The following DCPS variants were observed in gnomAD, a reference collection of about 807,000 sequenced individuals.
The protein encoded by DCPS is m7GpppX diphosphatase.
Under a neutral mutation model 34.7 loss-of-function variants are expected in DCPS, and 27 were observed. The ratio of observed to expected loss-of-function variants is 0.78; its 90% confidence interval spans 0.57 to 1.07. The LOEUF is 1.07. DCPS is among the 50% of genes least tolerant of loss of function. DCPS has a pLI of 0.00. For synonymous variants in DCPS, 185 were observed against 185.7 expected (o/e 1.00, Z 0.03); for missense variants, 464 against 436.9 (o/e 1.06, Z -0.55).
chr11:126,308,992 C>T (rs1302652733), intron 2 of DCPS, among the ~76,000 whole-genome samples: 3 of 151,386 alleles, frequency 2.0e-5, no homozygotes, highest in Admixed American at 2.0e-4. Context: ...CTGGGAGCCT[C>T]AGATGTTAGT....
At position 126,329,966 on chromosome 11, in the gene DCPS, C is replaced by T. The variant is rs903567024; in HGVS notation, c.377-1439C>T. 3.3e-5 allele frequency among the ~76,000 whole-genome samples: 5 copies of T among 152,152 alleles called. No individual in the cohort carries two copies. The East Asian group carries it at 7.7e-4, about 23-fold the overall frequency. On this transcript the variant is annotated intron_variant, in intron 2 of 5. Coordinates refer to ENST00000263579, the MANE Select transcript of DCPS (RefSeq NM_014026.6). The surrounding 1 kb of genome is among the most constrained non-coding windows in gnomAD (Gnocchi z 5.0). ...GAACCATGGGTCTTTTGAGAAAGAT[C>T]CAAGCTGATTTGGAAATACCCCTAA...
Position 126,345,592 on chromosome 11 carries a change from G to A in DCPS, c.993G>A (p.Leu331=). 8 of 1,613,276 alleles carry A rather than the reference G, an allele frequency of 5.0e-6. No homozygotes were observed. The highest frequency in any genetic ancestry group is 4.5e-5 in the East Asian group (2 of 44,874). The stretch of plus-strand genomic sequence containing the variant: ...CTGACGACCCCCTGCTCAAGCTCTT[G>A]CAGGAGGCTCAGCAAAGCTGAATTA... ...LRADDPLLKL[L]QEAQQS The change falls in exon 6 of 6, where the codon TTG becomes TTA. Residue 331 remains leucine, a synonymous_variant. Coordinates refer to ENST00000263579, the MANE Select transcript of DCPS (RefSeq NM_014026.6). This position sits in a 1 kb window ranked among gnomAD's most constrained non-coding sequence, Gnocchi z 7.4.
At chr11:126,308,862 CTTTCTG>C (rs1951595669) in intron 2 of DCPS, among the ~76,000 whole-genome samples, 1 of 152,036 alleles carries the variant, frequency 6.6e-6, no homozygotes, top group African/African-American at 2.4e-5. Flanking sequence ...CCTGCTCGCC[CTTTCTG>C]TTTCTATTGT....
intron 5 of DCPS, among the ~76,000 whole-genome samples, 178 bp downstream of exon 5, chr11:126,343,595 T>A (rs527901050): frequency 6.6e-6 from 1 of 152,172 alleles, no homozygotes; most frequent in South Asian, 2.1e-4. Flanking sequence ...TCTTTGTCCC[T>A]GGTCCTGCCA....
rs1433073004 is a variant in DCPS, at chr11:126,333,955, G to A, written c.522+2405G>A. Among the ~76,000 whole-genome samples the A allele has an allele frequency of 6.6e-6, 1 of 152,042 alleles. No homozygotes were observed. The highest frequency in any genetic ancestry group is 2.4e-5 in the African/African-American group (1 of 41,374). Reference sequence around the variant, plus strand: ...CATAGGCAGTGAGGGTGCCCTAAACGGTTTTAAGCATGTGGATGATATGGC... The same window carrying A: ...CATAGGCAGTGAGGGTGCCCTAAACAGTTTTAAGCATGTGGATGATATGGC... On this transcript the variant is annotated intron_variant, in intron 3 of 5. Transcript: ENST00000263579. This position sits in a 1 kb window ranked among gnomAD's most constrained non-coding sequence, Gnocchi z 5.7.
chr11:126,314,869 T>C (rs774968217), intron 2 of DCPS, among the ~76,000 whole-genome samples: 1 of 152,056 alleles, frequency 6.6e-6, no homozygotes, highest in Non-Finnish European at 1.5e-5. Flanking sequence ...AGGTTATACA[T>C]TAGGTACAAT....
At chr11:126,314,383 T>C (rs1427883129) in intron 2 of DCPS, among the ~76,000 whole-genome samples, 1 of 152,206 alleles carries the variant, frequency 6.6e-6, no homozygotes, top group Admixed American at 6.5e-5. Flanking sequence ...ACTTCTACAC[T>C]GTTGGTGAGA....
chr11:126,320,470 T>G lies in DCPS; in HGVS notation c.377-10935T>G, dbSNP rs956959459. ...CTTCCTTTATAGCCTGCTCTGACAA[T>G]GATATTAAAGGAATATTCTTAAAAA... On this transcript the variant is annotated intron_variant, in intron 2 of 5. Transcript: ENST00000263579. The surrounding 1 kb of genome is among the most constrained non-coding windows in gnomAD (Gnocchi z 4.7). Among the ~76,000 whole-genome samples, 4 of 151,930 alleles carry G rather than the reference T, an allele frequency of 2.6e-5. No individual in the cohort carries two copies. Among genetic ancestry groups the G allele is most frequent in the African/African-American group, 9.7e-5 (4 of 41,350 alleles).
At chr11:126,304,396 G>A in intron 1 of DCPS, 115 bp downstream of exon 1, 1 of 1,231,884 alleles carries the variant, frequency 8.1e-7, no homozygotes, top group Non-Finnish European at 1.1e-6. Context: ...TTATCACTCC[G>A]GGGAGGCGGG....
rs1951789102 is a variant in DCPS at position 126,331,280 on chromosome 11, C to T, written c.377-125C>T. 1.4e-6 allele frequency: 2 copies of T among 1,410,704 alleles called. No individual in the cohort carries two copies. The highest frequency in any genetic ancestry group is 4.1e-5 in the Admixed American group (2 of 48,654). 87.4% of individuals were successfully genotyped at this position (1,410,704 alleles called of 1,614,324 possible). On this transcript the variant is annotated intron_variant, in intron 2 of 5. Coordinates refer to ENST00000263579, the MANE Select transcript of DCPS (RefSeq NM_014026.6). The surrounding 1 kb of genome is among the most constrained non-coding windows in gnomAD (Gnocchi z 7.2). The stretch of plus-strand genomic sequence containing the variant: ...TGGGAGTGGATCTTGGGTGCATGAT[C>T]CTCTTGGATTTTGGCTTCCCTCAGG...
intron 5 of DCPS, 76 bp downstream of exon 5, chr11:126,343,493 C>A: frequency 8.1e-7 from 1 of 1,239,134 alleles, no homozygotes; most frequent in African/African-American, 1.5e-5. Flanking sequence ...GGGCCCCTTT[C>A]CTCACCTTTC....
rs553897927 is a variant in DCPS, at chr11:126,329,790, T to C, written c.377-1615T>C. On this transcript the variant is annotated intron_variant, in intron 2 of 5. Coordinates refer to ENST00000263579, the MANE Select transcript of DCPS (RefSeq NM_014026.6). The surrounding 1 kb of genome is among the most constrained non-coding windows in gnomAD (Gnocchi z 5.0). ...ACCACCTATGACCTCAGACCAAATATGAAAGTATAGGTTGATAGTTCTTAG... is the reference window on the plus strand; with the variant it reads ...ACCACCTATGACCTCAGACCAAATACGAAAGTATAGGTTGATAGTTCTTAG... 1.6e-4 allele frequency among the ~76,000 whole-genome samples: 25 copies of C among 152,216 alleles called. No homozygotes were observed. The South Asian group carries it at 5.0e-3, about 30-fold the overall frequency.
rs1356192964 is a variant in DCPS, at chr11:126,343,409, C to G, written c.739C>G (p.Gln247Glu). The change falls in exon 5 of 6, where the codon CAG becomes GAG. Residue 247 changes from glutamine to glutamate, a missense_variant. Gln to Glu is a conservative substitution (Grantham distance 29). Transcript: ENST00000263579. ...HLPLLRNILH[Q>E]GQEAILQRYR... ...GCCGCTGCTCAGGAACATCCTCCAC[C>G]AGGGGCAGGTGAGTGGCTTCACCAA... 1.2e-6 allele frequency: 2 copies of G among 1,613,092 alleles called. No individual in the cohort carries two copies. Among genetic ancestry groups the G allele is most frequent in the Admixed American group, 3.3e-5 (2 of 59,956 alleles).
rs586566 is a variant in DCPS, at chr11:126,329,723, C to T, written c.377-1682C>T. Reference sequence around the variant, plus strand: ...GTGATACTGGATGACTCTTTTGAGTCCCAGCCCACCCTCTTCACTGACGTA... The same window carrying T: ...GTGATACTGGATGACTCTTTTGAGTTCCAGCCCACCCTCTTCACTGACGTA... On this transcript the variant is annotated intron_variant, in intron 2 of 5. Transcript: ENST00000263579. This position sits in a 1 kb window ranked among gnomAD's most constrained non-coding sequence, Gnocchi z 5.0. Among the ~76,000 whole-genome samples the T allele has an allele frequency of 0.24, 37,042 of 152,160 alleles. 4,537 individuals carry two copies. Among genetic ancestry groups the T allele is most frequent in the Admixed American group, 0.26 (4,030 of 15,294 alleles).
intron 1 of DCPS, 145 bp downstream of exon 1, chr11:126,304,426 T>A: frequency 1.1e-6 from 1 of 880,682 alleles, no homozygotes; most frequent in Non-Finnish European, 1.7e-6. Flanking sequence ...CTAGAATGCA[T>A]AGAGGGGCGG....
At chr11:126,305,884 G>A (rs1383738211) in intron 1 of DCPS, among the ~76,000 whole-genome samples, 1 of 152,188 alleles carries the variant, frequency 6.6e-6, no homozygotes, top group Non-Finnish European at 1.5e-5. Context: ...AGTCACTTGG[G>A]AGACCTAGGT....
chr11:126,317,354 T>C (rs1369148732), intron 2 of DCPS, among the ~76,000 whole-genome samples: 1 of 152,110 alleles, frequency 6.6e-6, no homozygotes, highest in Non-Finnish European at 1.5e-5. Flanking sequence ...TTTTAAATTC[T>C]CCTCTCTCTG....
At position 126,322,013 on chromosome 11, in the gene DCPS, A is replaced by C. The variant is rs1565374260; in HGVS notation, c.377-9392A>C. 6.6e-6 allele frequency among the ~76,000 whole-genome samples: 1 copy of C among 152,208 alleles called. No homozygotes were observed. Among genetic ancestry groups the C allele is most frequent in the Non-Finnish European group, 1.5e-5 (1 of 68,038 alleles). The stretch of plus-strand genomic sequence containing the variant: ...ATATCCAAATGGGTGTTGCAGAAAG[A>C]AAAGGCAGAGAAAATGAAGAAGAAA... On this transcript the variant is annotated intron_variant, in intron 2 of 5. Coordinates refer to ENST00000263579, the MANE Select transcript of DCPS (RefSeq NM_014026.6). The surrounding 1 kb of genome is among the most constrained non-coding windows in gnomAD (Gnocchi z 4.2).
At chr11:126,304,422 T>G in intron 1 of DCPS, 141 bp downstream of exon 1, 2 of 903,558 alleles carry the variant, frequency 2.2e-6, no homozygotes, top group Non-Finnish European at 3.4e-6. Flanking sequence ...GCCACTAGAA[T>G]GCATAGAGGG....
Sources: allele counts gnomAD v4.1 joint callset (sites outside exome capture counted in the v4.1 genomes callset), GRCh38; gene constraint gnomAD v4.1.1; non-coding constraint Gnocchi (gnomAD v3.1); transcripts MANE v1.5; gene names NCBI Gene and HGNC (gene_info 2026-07-23, HGNC 2026-07-21).